Variants in SLC9C2 observed in about 807,000 individuals in gnomAD.
SLC9C2 encodes sodium/hydrogen exchanger 11.
Under a neutral mutation model 140.2 loss-of-function variants are expected in SLC9C2, and 75 were observed. The observed-to-expected ratio is 0.53, with a 90% confidence interval of 0.44 to 0.65. SLC9C2 has a LOEUF of 0.65. Among genes scored for constraint, SLC9C2 ranks in the 30% least tolerant of loss-of-function variants. The pLI, the probability that SLC9C2 is intolerant of heterozygous loss-of-function variation, is 0.00. For synonymous variants in SLC9C2, 375 were observed against 420.9 expected (o/e 0.89, Z 1.34); for missense variants, 1,074 against 1,331.8 (o/e 0.81, Z 3.01).
At position 173,522,263 on chromosome 1, in the gene SLC9C2, G is replaced by T. The variant is rs115747846; in HGVS notation, c.2641-864C>A. ...AGAAAAGCCACAGGATCCTATCTTG[G>T]TTGTTCGGTGAGGACTTTACAGCAG... On this transcript the variant is annotated intron_variant, in intron 21 of 27. Coordinates refer to ENST00000367714, the MANE Select transcript of SLC9C2 (RefSeq NM_178527.4). Among the ~76,000 whole-genome samples, 543 of 152,142 alleles carry T rather than the reference G, an allele frequency of 3.6e-3. 3 individuals carry two copies. Among genetic ancestry groups the T allele is most frequent in the African/African-American group, 0.011 (477 of 41,520 alleles).
chr1:173,521,520 G>A (rs1006786295), intron 21 of SLC9C2, 121 bp from the exon 22 acceptor site: 8 of 268,072 alleles, frequency 3.0e-5, no homozygotes, highest in Non-Finnish European at 5.6e-5. Context: ...ATATGTGTGT[G>A]TGTGTATATA....
At position 173,591,426 on chromosome 1, in the gene SLC9C2, T is replaced by C. The variant is rs193232236; in HGVS notation, c.358-3596A>G. ...ATTGCTGGGTTGAATGGTAGTTCTA[T>C]TTTTAGCTCTTTGAGGAATTGCCAC... On this transcript the variant is annotated intron_variant, in intron 4 of 27. Coordinates refer to ENST00000367714, the MANE Select transcript of SLC9C2 (RefSeq NM_178527.4). Among the ~76,000 whole-genome samples, 13 of 152,274 alleles carry C rather than the reference T, an allele frequency of 8.5e-5. No homozygotes were observed. In the East Asian group the frequency reaches 2.1e-3, roughly 25 times the overall value.
Position 173,539,621 on chromosome 1 carries a change from C to G in SLC9C2, c.1558-2582G>C, listed in dbSNP as rs151214661. 3.0e-4 allele frequency among the ~76,000 whole-genome samples: 45 copies of G among 152,238 alleles called. No homozygotes were observed. The East Asian group carries it at 4.6e-3, about 16-fold the overall frequency. Reference sequence around the variant, plus strand: ...GGAAGATTACAGATTTGTAGAGCATCTATGCATAGTGTTAAAATCATGAGT... The same window carrying G: ...GGAAGATTACAGATTTGTAGAGCATGTATGCATAGTGTTAAAATCATGAGT... On this transcript the variant is annotated intron_variant, in intron 13 of 27. Coordinates refer to ENST00000367714, the MANE Select transcript of SLC9C2 (RefSeq NM_178527.4).
chr1:173,539,745 T>C (rs1662236880), intron 13 of SLC9C2, among the ~76,000 whole-genome samples: 1 of 152,058 alleles, frequency 6.6e-6, no homozygotes, highest in Non-Finnish European at 1.5e-5. Context: ...AAAGAGTTCA[T>C]AGAGGAGACT....
At chr1:173,521,022 A>C (rs752741538) in intron 22 of SLC9C2, among the ~76,000 whole-genome samples, 71 of 152,136 alleles carry the variant, frequency 4.7e-4, no homozygotes, top group Admixed American at 3.4e-3. Context: ...AATTTAAGCC[A>C]CGCCAAGTAT....
At chr1:173,540,801 G>C (rs992603854) in intron 13 of SLC9C2, among the ~76,000 whole-genome samples, 2 of 152,190 alleles carry the variant, frequency 1.3e-5, no homozygotes, top group African/African-American at 4.8e-5. Context: ...GCAGAACTTA[G>C]ACAAAATATA....
chr1:173,502,252 GAC>G (rs1659329054), intron 27 of SLC9C2, among the ~76,000 whole-genome samples: 1 of 116,592 alleles, frequency 8.6e-6, no homozygotes, highest in Admixed American at 1.2e-4. Context: ...CAGCCCATGT[GAC>G]AGAGTGAGAT....
intron 19 of SLC9C2, among the ~76,000 whole-genome samples, chr1:173,525,891 A>G (rs1483708203): frequency 2.6e-5 from 4 of 152,242 alleles, no homozygotes; most frequent in Admixed American, 6.5e-5. Context: ...GTTTTCTGAG[A>G]TAATGCCAAA....
intron 8 of SLC9C2, among the ~76,000 whole-genome samples, chr1:173,574,505 CT>C (rs746733038): frequency 0.012 from 1,230 of 104,762 alleles, 5 homozygotes; most frequent in African/African-American, 0.028. Flanking sequence ...GAGTTAAGTA[CT>C]TTTTTTTTTT....
intron 9 of SLC9C2, among the ~76,000 whole-genome samples, chr1:173,558,301 T>A (rs1299828957): frequency 6.6e-6 from 1 of 152,222 alleles, no homozygotes; most frequent in Non-Finnish European, 1.5e-5. Context: ...CAAACTCCTC[T>A]GCCTTGCATT....
At chr1:173,542,037 T>C (rs1488367643) in intron 13 of SLC9C2, among the ~76,000 whole-genome samples, 7 of 151,702 alleles carry the variant, frequency 4.6e-5, no homozygotes, top group Non-Finnish European at 1.0e-4. Context: ...AATAGAGGCA[T>C]AAAAAACCTT....
At chr1:173,523,200 C>T (rs1054114173) in intron 21 of SLC9C2, among the ~76,000 whole-genome samples, 2 of 151,920 alleles carry the variant, frequency 1.3e-5, no homozygotes, top group Admixed American at 1.3e-4. Flanking sequence ...GATGAAACCC[C>T]GTCTCTACTG....
chr1:173,561,908 C>T (rs1433025349), intron 9 of SLC9C2, among the ~76,000 whole-genome samples: 1 of 151,564 alleles, frequency 6.6e-6, no homozygotes, highest in Admixed American at 6.6e-5. Context: ...ACTAATCCAA[C>T]AATCCTGAAC....
intron 23 of SLC9C2, among the ~76,000 whole-genome samples, chr1:173,511,642 CAGA>C (rs1005535369): frequency 6.6e-6 from 1 of 152,140 alleles, no homozygotes; most frequent in African/African-American, 2.4e-5. Flanking sequence ...TTTTGCTGTG[CAGA>C]AGCTCTTTAA....
At chr1:173,512,862 G>C (rs1268985496) in intron 23 of SLC9C2, among the ~76,000 whole-genome samples, 1 of 152,062 alleles carries the variant, frequency 6.6e-6, no homozygotes, top group Non-Finnish European at 1.5e-5. Flanking sequence ...TAACATGAAG[G>C]GATTTGAATT....
At chr1:173,563,652 C>T (rs1260816578) in intron 9 of SLC9C2, among the ~76,000 whole-genome samples, 3 of 152,242 alleles carry the variant, frequency 2.0e-5, no homozygotes, top group African/African-American at 7.2e-5. Context: ...ATAATAATGA[C>T]ATCATGCTAA....
At chr1:173,592,109 T>G (rs1216112514) in intron 4 of SLC9C2, among the ~76,000 whole-genome samples, 1 of 152,234 alleles carries the variant, frequency 6.6e-6, no homozygotes, top group Non-Finnish European at 1.5e-5. Flanking sequence ...CCAAGCACAA[T>G]TCATTGACTA....
chr1:173,550,906 G>C (rs918263455), intron 11 of SLC9C2, among the ~76,000 whole-genome samples: 1 of 122,312 alleles, frequency 8.2e-6, no homozygotes, highest in Non-Finnish European at 1.7e-5. Context: ...GAGAGAGAGA[G>C]AGAAGGAAGG....
intron 9 of SLC9C2, among the ~76,000 whole-genome samples, chr1:173,570,956 C>T (rs772103671): frequency 1.1e-4 from 16 of 152,112 alleles, no homozygotes; most frequent in Non-Finnish European, 2.1e-4. Flanking sequence ...TTTTCCTACC[C>T]TCTTTAGTGC....
Sources: gnomAD v4.1 joint callset for allele counts (sites outside exome capture counted in the v4.1 genomes callset) on GRCh38, gnomAD v4.1.1 for gene constraint, MANE v1.5 for transcripts, NCBI Gene and HGNC (gene_info 2026-07-23, HGNC 2026-07-21) for gene names.